BBS9: variants seen among roughly 807,000 people sequenced by gnomAD.
BBS9 encodes Bardet-Biedl syndrome 9.
Under a neutral mutation model 117.7 loss-of-function variants are expected in BBS9, and 89 were observed. The observed-to-expected ratio is 0.76, with a 90% CI of 0.64 to 0.90. The LOEUF is 0.90. Among genes scored for constraint, BBS9 ranks in the 40% least tolerant of loss-of-function variants. The probability of loss-of-function intolerance (pLI) is 0.00; values close to 1 mark genes in which losing one functional copy is unlikely to be tolerated. For synonymous variants in BBS9, 379 were observed against 370.9 expected (o/e 1.02, Z -0.25); for missense variants, 982 against 1,042.2 (o/e 0.94, Z 0.80).
At chr7:33,492,003 C>G (rs969085495) in intron 19 of BBS9, among the ~76,000 whole-genome samples, 1 of 151,552 alleles carries the variant, frequency 6.6e-6, no homozygotes, top group Non-Finnish European at 1.5e-5. Context: ...GGTTTGAGAC[C>G]AGCCTGGCCA....
intron 20 of BBS9, 107 bp from the exon 21 acceptor site, chr7:33,533,847 G>T (rs1445802247): frequency 3.1e-6 from 4 of 1,306,188 alleles, no homozygotes; most frequent in South Asian, 1.2e-5. Context: ...CTCTTCACAG[G>T]TTCCCAACAC....
chr7:33,445,851 C>T (rs775723184), intron 19 of BBS9, among the ~76,000 whole-genome samples: 58 of 152,050 alleles, frequency 3.8e-4, no homozygotes, highest in Non-Finnish European at 8.8e-5. Context: ...TTTCCTGCCA[C>T]CATGTGAAGA....
chr7:33,263,517 G>A (rs1021673986), intron 6 of BBS9, among the ~76,000 whole-genome samples: 6 of 152,046 alleles, frequency 3.9e-5, no homozygotes, highest in African/African-American at 1.2e-4. Flanking sequence ...TTTCTAGATT[G>A]AATAATATTT....
chr7:33,284,152 C>A lies in BBS9; in HGVS notation c.1016+10196C>A, dbSNP rs952263614. On this transcript the variant is annotated intron_variant, in intron 9 of 22. Transcript: ENST00000242067. ...TAGTCTAGGACCTGACTCTCTCTTC[C>A]GCTTGAAGTCTGCAGAGTTGGTGCC... 2.0e-5 allele frequency among the ~76,000 whole-genome samples: 3 copies of A among 152,166 alleles called. No individual in the cohort carries two copies. The South Asian group carries it at 6.2e-4, about 31-fold the overall frequency.
At chr7:33,465,655 C>T (rs534506843) in intron 19 of BBS9, among the ~76,000 whole-genome samples, 54 of 152,190 alleles carry the variant, frequency 3.5e-4, no homozygotes, top group African/African-American at 1.3e-3. Flanking sequence ...CATGTTACTG[C>T]CTATATCTCA....
chr7:33,618,122 C>T (rs2598382), intron 21 of BBS9, among the ~76,000 whole-genome samples: 62,199 of 151,992 alleles, frequency 0.41, 17,999 homozygotes, highest in African/African-American at 0.82. Context: ...GGATGATTGC[C>T]TTAGGCCAGG....
At chr7:33,567,236 A>G (rs1187583596) in intron 21 of BBS9, among the ~76,000 whole-genome samples, 1 of 152,184 alleles carries the variant, frequency 6.6e-6, no homozygotes, top group Non-Finnish European at 1.5e-5. Context: ...TGAAAAATAT[A>G]TAAACTCATT....
At chr7:33,339,256 C>G (rs1264677953) in intron 10 of BBS9, among the ~76,000 whole-genome samples, 3 of 152,124 alleles carry the variant, frequency 2.0e-5, no homozygotes, top group Non-Finnish European at 4.4e-5. Flanking sequence ...GCTGCTGAGT[C>G]AGCCCCCTTA....
intron 3 of BBS9, among the ~76,000 whole-genome samples, chr7:33,153,795 C>G (rs1241392629): frequency 1.3e-5 from 2 of 152,176 alleles, no homozygotes; most frequent in African/African-American, 4.8e-5. Flanking sequence ...TTGTGACAGG[C>G]TGGATTGCGG....
intron 19 of BBS9, among the ~76,000 whole-genome samples, chr7:33,486,834 C>CT: frequency 6.6e-6 from 1 of 152,136 alleles, no homozygotes; most frequent in Non-Finnish European, 1.5e-5. Flanking sequence ...CAGGGGAAGT[C>CT]TTTTTTTCTA....
intron 5 of BBS9, among the ~76,000 whole-genome samples, chr7:33,180,768 G>T (rs1452573581): frequency 1.3e-5 from 2 of 152,166 alleles, no homozygotes; most frequent in African/African-American, 4.8e-5. Context: ...CAGGTCTCCA[G>T]TTGCCTCTTG....
At chr7:33,525,844 C>T (rs376930042) in intron 20 of BBS9, among the ~76,000 whole-genome samples, 11 of 149,514 alleles carry the variant, frequency 7.4e-5, no homozygotes, top group East Asian at 3.9e-4. Context: ...TTCCTAGTCT[C>T]GATGGTCTTT....
intron 2 of BBS9, 71 bp downstream of exon 2, chr7:33,146,435 C>T (rs1008564331): frequency 1.4e-5 from 18 of 1,244,452 alleles, no homozygotes; most frequent in South Asian, 2.4e-5. Flanking sequence ...GCACGGTGGC[C>T]GACTGCTGTA....
chr7:33,457,256 A>G (rs188615742), intron 19 of BBS9, among the ~76,000 whole-genome samples: 102 of 152,344 alleles, frequency 6.7e-4, no homozygotes, highest in African/African-American at 2.3e-3. Context: ...GTTATTGGCA[A>G]GAGACCACAT....
At chr7:33,243,014 C>A (rs11983569) in intron 5 of BBS9, 439 of 517,412 alleles carry the variant, frequency 8.5e-4, no homozygotes, top group African/African-American at 8.1e-3. Context: ...GACAATAATT[C>A]TTGACGTTCC....
intron 19 of BBS9, among the ~76,000 whole-genome samples, chr7:33,497,401 T>C (rs1844876817): frequency 6.6e-6 from 1 of 152,212 alleles, no homozygotes; most frequent in Non-Finnish European, 1.5e-5. Flanking sequence ...ACCCAATGTG[T>C]ACCTCGTACT....
At chr7:33,551,651 A>G (rs963321317) in intron 21 of BBS9, among the ~76,000 whole-genome samples, 21 of 152,290 alleles carry the variant, frequency 1.4e-4, no homozygotes, top group African/African-American at 4.8e-4. Context: ...GGTAAATCAG[A>G]CTAATCCAAG....
At chr7:33,580,832 C>T (rs1859752510) in intron 21 of BBS9, among the ~76,000 whole-genome samples, 1 of 152,158 alleles carries the variant, frequency 6.6e-6, no homozygotes, top group South Asian at 2.1e-4. Context: ...GTTTTATATG[C>T]TTAGGGTTTC....
Position 33,605,316 on chromosome 7 carries a change from C to A in BBS9, c.*90C>A. On this transcript the variant is annotated 3_prime_UTR_variant, in exon 23 of 23. Coordinates refer to ENST00000242067, the MANE Select transcript of BBS9 (RefSeq NM_198428.3). Reference sequence around the variant, plus strand: ...ATGCCAAGCACAGATATAGGGCTGGCGCAGGTGCTTCCTAAAGCTCACCTT... The same window carrying A: ...ATGCCAAGCACAGATATAGGGCTGGAGCAGGTGCTTCCTAAAGCTCACCTT... 7.2e-7 allele frequency: 1 copy of A among 1,387,540 alleles called. No individual in the cohort carries two copies. Among genetic ancestry groups the A allele is most frequent in the Non-Finnish European group, 1.0e-6 (1 of 973,818 alleles). 86.0% of individuals were successfully genotyped at this position (1,387,540 alleles called of 1,614,324 possible). A position where few individuals can be genotyped will look rare whatever the true frequency, so the allele number is the denominator to read the frequency against.
Sources: allele counts gnomAD v4.1 joint callset (sites outside exome capture counted in the v4.1 genomes callset), GRCh38; gene constraint gnomAD v4.1.1; transcripts MANE v1.5; gene names NCBI Gene and HGNC (gene_info 2026-07-23, HGNC 2026-07-21).